HDAC9: variants seen among roughly 807,000 people sequenced by gnomAD.
HDAC9 encodes the protein histone deacetylase 9.
Under a neutral mutation model 139.4 loss-of-function variants are expected in HDAC9, and 41 were observed. The observed-to-expected ratio is 0.29, with a 90% CI of 0.23 to 0.38. HDAC9 has a LOEUF of 0.38. Ranked by LOEUF, HDAC9 falls within the 10% of genes least tolerant of loss-of-function variation. The pLI is 1.00. For synonymous variants in HDAC9, 517 were observed against 476.2 expected, an observed-to-expected ratio of 1.09 and a Z score of -1.12; for missense variants, 1,147 against 1,297.0, an observed-to-expected ratio of 0.88 and a Z score of 1.78.
intron 25 of HDAC9, among the ~76,000 whole-genome samples, chr7:18,976,929 G>T (rs1055244572): frequency 1.3e-5 from 2 of 152,122 alleles, no homozygotes; most frequent in African/African-American, 4.8e-5. Context: ...GCACAGGTTG[G>T]CAATTTTCCC....
chr7:18,712,384 A>C (rs1170243897), intron 12 of HDAC9, among the ~76,000 whole-genome samples: 1 of 152,212 alleles, frequency 6.6e-6, no homozygotes, highest in East Asian at 1.9e-4. Flanking sequence ...ATAAACAAAC[A>C]GCAGTGCATA....
chr7:18,732,782 CACACGT>C (rs1176794310), intron 13 of HDAC9, among the ~76,000 whole-genome samples: 6 of 92,458 alleles, frequency 6.5e-5, no homozygotes, highest in Admixed American at 1.9e-4. Flanking sequence ...TATGTGTACA[CACACGT>C]GTGTTTGTGT....
chr7:18,539,317 C>G (rs1045641986), intron 2 of HDAC9, among the ~76,000 whole-genome samples: 4 of 152,074 alleles, frequency 2.6e-5, no homozygotes, highest in African/African-American at 9.7e-5. Flanking sequence ...AATTCAAATT[C>G]AGGAATATTC....
chr7:18,486,421 CT>C (rs745353292), intron 1 of HDAC9, among the ~76,000 whole-genome samples: 1 of 152,058 alleles, frequency 6.6e-6, no homozygotes, highest in Non-Finnish European at 1.5e-5. Flanking sequence ...TGTAGGATCT[CT>C]TTAAAGCTGA....
At chr7:18,849,369 T>C (rs1046869372) in intron 21 of HDAC9, among the ~76,000 whole-genome samples, 8 of 152,020 alleles carry the variant, frequency 5.3e-5, no homozygotes, top group African/African-American at 1.9e-4. Flanking sequence ...AGAGTGTCAG[T>C]TTCCTTTGCT....
At chr7:18,443,928 ATG>A (rs1391391850) in intron 1 of HDAC9, among the ~76,000 whole-genome samples, 1 of 151,170 alleles carries the variant, frequency 6.6e-6, no homozygotes, top group East Asian at 1.9e-4. Flanking sequence ...TATTATATAT[ATG>A]TATATATATG....
intron 1 of HDAC9, among the ~76,000 whole-genome samples, chr7:18,088,926 C>A (rs1781966535): frequency 6.6e-6 from 1 of 152,154 alleles, no homozygotes; most frequent in South Asian, 2.1e-4. Context: ...TTGAATGGGG[C>A]ACATTTGAAG....
At chr7:18,278,883 C>G (rs999930929) in intron 2 of HDAC9, among the ~76,000 whole-genome samples, 21 of 152,176 alleles carry the variant, frequency 1.4e-4, no homozygotes, top group South Asian at 2.1e-4. Flanking sequence ...ATTGAATATT[C>G]TATTGAACAT....
At chr7:18,875,732 TGTA>T (rs1389250581) in intron 22 of HDAC9, among the ~76,000 whole-genome samples, 1 of 152,202 alleles carries the variant, frequency 6.6e-6, no homozygotes, top group Non-Finnish European at 1.5e-5. Context: ...ATTAAATGTC[TGTA>T]TGGCCTTTTT....
intron 1 of HDAC9, among the ~76,000 whole-genome samples, chr7:18,158,997 G>T (rs572054347): frequency 2.0e-5 from 3 of 152,204 alleles, no homozygotes; most frequent in Non-Finnish European, 4.4e-5. Context: ...AGGACTCTTA[G>T]TCTTTTATTG....
chr7:18,755,861 T>C (rs1037987764), intron 14 of HDAC9, among the ~76,000 whole-genome samples: 5 of 152,150 alleles, frequency 3.3e-5, no homozygotes, highest in Non-Finnish European at 2.9e-5. Flanking sequence ...TTAAGACACA[T>C]GAAAGGCACT....
chr7:18,381,309 A>G (rs764168464), intron 1 of HDAC9, among the ~76,000 whole-genome samples: 2 of 151,980 alleles, frequency 1.3e-5, no homozygotes, highest in Non-Finnish European at 2.9e-5. Flanking sequence ...CTTTGACCAC[A>G]TAGTTTGGGA....
At chr7:18,892,443 T>C (rs1800769943) in intron 22 of HDAC9, 1 of 152,150 alleles carries the variant, frequency 6.6e-6, no homozygotes. Context: ...GAGCTAGAGA[T>C]GGAATTCACA....
intron 2 of HDAC9, among the ~76,000 whole-genome samples, chr7:18,264,746 T>C (rs1242526025): frequency 1.3e-5 from 2 of 152,226 alleles, no homozygotes; most frequent in African/African-American, 4.8e-5. Context: ...AATAGACTAG[T>C]TTATATTACT....
chr7:18,947,494 T>C (rs1452092347), intron 23 of HDAC9, among the ~76,000 whole-genome samples: 15 of 151,866 alleles, frequency 9.9e-5, no homozygotes, highest in Admixed American at 7.9e-4. Context: ...CAAAAACTTA[T>C]GAAATGGAAT....
chr7:18,941,596 G>A (rs992991540), intron 23 of HDAC9, among the ~76,000 whole-genome samples: 1 of 152,088 alleles, frequency 6.6e-6, no homozygotes, highest in African/African-American at 2.4e-5. Context: ...TGTGAATCTG[G>A]GAAAGCTTAC....
intron 12 of HDAC9, among the ~76,000 whole-genome samples, chr7:18,702,136 G>A (rs911697447): frequency 1.3e-5 from 2 of 152,192 alleles, no homozygotes; most frequent in African/African-American, 4.8e-5. Flanking sequence ...GGATCTCGCT[G>A]ACCCGTGAAA....
At chr7:18,450,289 T>A (rs181610519) in intron 1 of HDAC9, among the ~76,000 whole-genome samples, 59 of 152,326 alleles carry the variant, frequency 3.9e-4, no homozygotes, top group African/African-American at 1.3e-3. Flanking sequence ...AATTATTACA[T>A]CAACATCTGT....
chr7:18,944,457 G>C (rs2129317146), intron 23 of HDAC9, among the ~76,000 whole-genome samples: 1 of 152,248 alleles, frequency 6.6e-6, no homozygotes, highest in Non-Finnish European at 1.5e-5. Flanking sequence ...TAATACAGTG[G>C]AAAGAACATG....
Sources: allele counts gnomAD v4.1 joint callset (sites outside exome capture counted in the v4.1 genomes callset), GRCh38; gene constraint gnomAD v4.1.1; transcripts MANE v1.5; gene names NCBI Gene and HGNC (gene_info 2026-07-23, HGNC 2026-07-21).